FANCB: variants seen among roughly 807,000 people sequenced by gnomAD.
FANCB encodes FA complementation group B.
FANCB carries 5 observed loss-of-function variants against 38.9 expected under a neutral mutation model. The ratio of observed to expected loss-of-function variants is 0.13; its 90% confidence interval spans 0.07 to 0.27. The LOEUF is 0.27. Among genes scored for constraint, FANCB ranks in the 10% least tolerant of loss-of-function variants. FANCB has a pLI of 1.00. For missense variants in FANCB, 573 were observed against 602.7 expected (o/e 0.95, Z 0.52); for synonymous variants, 236 against 215.4 (o/e 1.10, Z -0.84).
At chrX:14,693,410 A>G in the FANCB span, among the ~76,000 whole-genome samples, 4 of 111,823 alleles carry the variant, frequency 3.6e-5, no homozygotes, top group Admixed American at 9.5e-5. Flanking sequence ...GATCACTTCA[A>G]TAGGGGGATG....
chrX:14,692,759 A>G, the FANCB span, among the ~76,000 whole-genome samples: 1 of 112,003 alleles, frequency 8.9e-6, no homozygotes, highest in Non-Finnish European at 1.9e-5. Context: ...TTGCTTCCCA[A>G]TTCTAAATAG....
chrX:14,783,350 T>C, the FANCB span, among the ~76,000 whole-genome samples: 6 of 111,577 alleles, frequency 5.4e-5, no homozygotes, highest in African/African-American at 2.0e-4. Flanking sequence ...AATGGAAATA[T>C]CTGAAACACT....
the FANCB span, among the ~76,000 whole-genome samples, chrX:14,758,154 C>T: frequency 1.8e-5 from 2 of 110,942 alleles, no homozygotes; most frequent in East Asian, 2.9e-4. Context: ...ACAGTGCCCC[C>T]GGGAACATAA....
the FANCB span, among the ~76,000 whole-genome samples, chrX:14,737,285 A>G: frequency 1.8e-5 from 2 of 112,170 alleles, no homozygotes; most frequent in Non-Finnish European, 3.8e-5. Flanking sequence ...AAGAAAAATT[A>G]TGAGAGCCCC....
the FANCB span, among the ~76,000 whole-genome samples, chrX:14,691,404 T>A: frequency 9.1e-6 from 1 of 110,004 alleles, no homozygotes; most frequent in East Asian, 2.9e-4. Context: ...AATTATGCCG[T>A]ACCCATGTAG....
At chrX:14,803,347 G>T in the FANCB span, among the ~76,000 whole-genome samples, 1 of 112,103 alleles carries the variant, frequency 8.9e-6, no homozygotes, top group Non-Finnish European at 1.9e-5. Context: ...TAGGGACAAG[G>T]TGTATAGATC....
At chrX:14,694,185 T>G in the FANCB span, among the ~76,000 whole-genome samples, 1 of 111,928 alleles carries the variant, frequency 8.9e-6, no homozygotes, top group Non-Finnish European at 1.9e-5. Flanking sequence ...CAGATTGCAG[T>G]AGTTTAAGGT....
At chrX:14,711,342 G>T in the FANCB span, among the ~76,000 whole-genome samples, 1 of 112,083 alleles carries the variant, frequency 8.9e-6, no homozygotes, top group African/African-American at 3.2e-5. Context: ...TTATAAATTG[G>T]AATATCAATG....
the FANCB span, among the ~76,000 whole-genome samples, chrX:14,813,117 C>A: frequency 1.2e-3 from 125 of 106,901 alleles, no homozygotes; most frequent in Non-Finnish European, 1.4e-3. Flanking sequence ...ATTCAACAAC[C>A]CTTCATGCTA....
chrX:14,730,355 A>T, the FANCB span: 1 of 1,211,152 alleles, frequency 8.3e-7, no homozygotes, highest in South Asian at 1.8e-5. Flanking sequence ...ATCAAGAAGA[A>T]GTTTGTGGAC....
At chrX:14,747,326 G>C in the FANCB span, among the ~76,000 whole-genome samples, 1 of 112,221 alleles carries the variant, frequency 8.9e-6, no homozygotes, top group Non-Finnish European at 1.9e-5. Context: ...CTTGTCCACA[G>C]ATATAAATCA....
the FANCB span, among the ~76,000 whole-genome samples, chrX:14,734,294 CCATT>C: frequency 8.9e-6 from 1 of 111,965 alleles, no homozygotes; most frequent in Non-Finnish European, 1.9e-5. Flanking sequence ...TTAAGGGTAA[CCATT>C]CAGAAGCCAC....
intron 1 of FANCB, among the ~76,000 whole-genome samples, chrX:14,872,649 C>T (rs1209149306): frequency 1.4e-5 from 1 of 69,028 alleles, no homozygotes; most frequent in Non-Finnish European, 2.7e-5. Context: ...CCCCCACACA[C>T]ACCCCCCCAC....
the FANCB span, among the ~76,000 whole-genome samples, chrX:14,735,807 C>T: frequency 2.0e-5 from 1 of 49,946 alleles, no homozygotes; most frequent in South Asian, 1.5e-3. Context: ...CAGGCAGGAA[C>T]ATTTAAGTCT....
At chrX:14,769,921 AT>A in the FANCB span, among the ~76,000 whole-genome samples, 2 of 112,384 alleles carry the variant, frequency 1.8e-5, no homozygotes, top group Admixed American at 1.9e-4. Context: ...CCCAAGAGTC[AT>A]TCAGGAGCAG....
the FANCB span, among the ~76,000 whole-genome samples, chrX:14,798,813 G>A: frequency 6.7e-4 from 75 of 111,814 alleles, no homozygotes; most frequent in Middle Eastern, 4.6e-3. Context: ...AGATACTGAT[G>A]TAAAGGTATT....
the FANCB span, among the ~76,000 whole-genome samples, chrX:14,798,040 T>C: frequency 3.6e-5 from 4 of 112,070 alleles, no homozygotes; most frequent in East Asian, 1.1e-3. Context: ...TACCATATCA[T>C]GCAAGCGGGT....
chrX:14,796,371 T>TAC, the FANCB span, among the ~76,000 whole-genome samples: 17,520 of 98,710 alleles, frequency 0.18, 1,705 homozygotes, highest in Non-Finnish European at 0.25. Flanking sequence ...TGTGTATGTA[T>TAC]ACACACACAC....
the FANCB span, among the ~76,000 whole-genome samples, chrX:14,741,283 T>C: frequency 9.0e-6 from 1 of 111,580 alleles, no homozygotes; most frequent in Admixed American, 9.5e-5. Context: ...TTCTAAAGTG[T>C]GTTCTGAAAA....
Sources: gnomAD v4.1 joint callset for allele counts (sites outside exome capture counted in the v4.1 genomes callset) on GRCh38, gnomAD v4.1.1 for gene constraint, MANE v1.5 for transcripts, NCBI Gene and HGNC (gene_info 2026-07-23, HGNC 2026-07-21) for gene names.